The following ZMAT4 variants were observed in gnomAD, a reference collection of about 807,000 sequenced individuals.
The protein encoded by ZMAT4 is zinc finger matrin-type protein 4.
A neutral mutation model predicts 28.7 loss-of-function variants in ZMAT4; 17 were observed. That is an observed-to-expected ratio of 0.59 (90% confidence interval 0.41 to 0.89). The LOEUF is 0.89. Ranked by LOEUF, ZMAT4 falls within the 40% of genes least tolerant of loss-of-function variation. The probability of loss-of-function intolerance (pLI) is 0.00; values close to 1 mark genes in which losing one functional copy is unlikely to be tolerated. For missense variants in ZMAT4, 240 were observed against 283.8 expected (o/e 0.85, Z 1.11); for synonymous variants, 117 against 109.2 (o/e 1.07, Z -0.44).
chr8:40,680,027 C>A (rs1216313968), intron 4 of ZMAT4, among the ~76,000 whole-genome samples: 1 of 152,138 alleles, frequency 6.6e-6, no homozygotes, highest in Admixed American at 6.6e-5. Context: ...CAGTATCTGA[C>A]AAGGCCCTGG....
intron 6 of ZMAT4, among the ~76,000 whole-genome samples, chr8:40,579,760 G>A (rs773354189): frequency 5.3e-5 from 8 of 152,138 alleles, no homozygotes; most frequent in Non-Finnish European, 1.2e-4. Context: ...TCAAAAAAGT[G>A]TATAAAGACC....
intron 5 of ZMAT4, among the ~76,000 whole-genome samples, chr8:40,658,661 CACAA>C (rs1380324127): frequency 1.1e-4 from 14 of 126,372 alleles, no homozygotes; most frequent in Non-Finnish European, 2.0e-4. Context: ...CACACACACA[CACAA>C]ACACAAAACT....
chr8:40,531,978 T>C lies in ZMAT4; in HGVS notation c.*245A>G. 7 of 368,258 alleles carry C rather than the reference T, an allele frequency of 1.9e-5. No individual in the cohort carries two copies. Among genetic ancestry groups the C allele is most frequent in the Non-Finnish European group, 3.4e-5 (7 of 207,014 alleles). The allele number at this position is 368,258 out of a possible 1,614,324, so 22.8% of individuals were successfully genotyped here. On this transcript the variant is annotated 3_prime_UTR_variant, in exon 7 of 7. Coordinates refer to ENST00000297737, the MANE Select transcript of ZMAT4 (RefSeq NM_024645.3). ...TATAATTTAGAACATGTGCTAAATA[T>C]GTTATCAGGAAAGAATTTAAAAATC...
intron 5 of ZMAT4, among the ~76,000 whole-genome samples, chr8:40,607,202 G>A (rs74646094): frequency 0.15 from 21,079 of 136,306 alleles, 2,197 homozygotes; most frequent in East Asian, 0.58. Context: ...TCGGCTCACT[G>A]CAAGCTCCGC....
chr8:40,541,417 G>A (rs1007675695), intron 6 of ZMAT4, among the ~76,000 whole-genome samples: 3 of 152,132 alleles, frequency 2.0e-5, no homozygotes, highest in African/African-American at 7.2e-5. Context: ...TCAACAAAGG[G>A]TATAATGGTC....
At chr8:40,633,500 A>C (rs961397604) in intron 5 of ZMAT4, among the ~76,000 whole-genome samples, 4 of 152,142 alleles carry the variant, frequency 2.6e-5, no homozygotes, top group Admixed American at 2.6e-4. Flanking sequence ...AGATGGGGAG[A>C]TATTTGGGCA....
At chr8:40,871,381 C>A (rs1198110107) in intron 1 of ZMAT4, among the ~76,000 whole-genome samples, 2 of 152,172 alleles carry the variant, frequency 1.3e-5, no homozygotes, top group African/African-American at 4.8e-5. Context: ...CCATCCCTAC[C>A]CACTCTCAAG....
chr8:40,878,111 C>T (rs913511120), intron 1 of ZMAT4, among the ~76,000 whole-genome samples: 3 of 152,182 alleles, frequency 2.0e-5, no homozygotes. Context: ...TGAATGGCTT[C>T]CAATGGCAGA....
intron 1 of ZMAT4, among the ~76,000 whole-genome samples, chr8:40,881,465 A>AAGAAAG (rs1171600034): frequency 6.8e-6 from 1 of 146,920 alleles, no homozygotes; most frequent in African/African-American, 2.5e-5. Flanking sequence ...GAAAGAAAGA[A>AAGAAAG]AGAAAGAAAG....
At chr8:40,697,108 C>T in intron 4 of ZMAT4, 137 bp downstream of exon 4, 1 of 1,039,262 alleles carries the variant, frequency 9.6e-7, no homozygotes, top group Non-Finnish European at 1.4e-6. Context: ...GTCAGCCACT[C>T]ATCCCTTTAG....
At chr8:40,719,304 G>T (rs550194722) in intron 3 of ZMAT4, among the ~76,000 whole-genome samples, 1 of 152,012 alleles carries the variant, frequency 6.6e-6, no homozygotes, top group Non-Finnish European at 1.5e-5. Context: ...TTACCCAGGC[G>T]TGGTGGCAGG....
chr8:40,642,847 C>T (rs1012124984), intron 5 of ZMAT4, among the ~76,000 whole-genome samples: 1 of 152,094 alleles, frequency 6.6e-6, no homozygotes, highest in Admixed American at 6.6e-5. Context: ...CACATATAAG[C>T]CATATTTCAT....
At chr8:40,664,825 T>G (rs1441216888) in intron 5 of ZMAT4, among the ~76,000 whole-genome samples, 3 of 152,222 alleles carry the variant, frequency 2.0e-5, no homozygotes, top group Non-Finnish European at 4.4e-5. Flanking sequence ...GATATTTACC[T>G]AGAATGTCTT....
At chr8:40,875,187 C>T (rs562170441) in intron 1 of ZMAT4, among the ~76,000 whole-genome samples, 20 of 152,306 alleles carry the variant, frequency 1.3e-4, no homozygotes, top group Non-Finnish European at 2.5e-4. Flanking sequence ...TCTCTGGCTT[C>T]CTCCTGGGCA....
chr8:40,759,782 T>G (rs1042505715), intron 3 of ZMAT4, among the ~76,000 whole-genome samples: 5 of 152,200 alleles, frequency 3.3e-5, no homozygotes, highest in Admixed American at 2.0e-4. Flanking sequence ...GAATAGTTTC[T>G]TTTAAATCTC....
At chr8:40,641,540 T>C (rs1807025732) in intron 5 of ZMAT4, among the ~76,000 whole-genome samples, 2 of 152,206 alleles carry the variant, frequency 1.3e-5, no homozygotes, top group Non-Finnish European at 2.9e-5. Context: ...TGAAGTAGGA[T>C]TGGCATACTA....
At chr8:40,718,788 T>G (rs919778840) in intron 3 of ZMAT4, among the ~76,000 whole-genome samples, 2 of 152,198 alleles carry the variant, frequency 1.3e-5, no homozygotes, top group Non-Finnish European at 2.9e-5. Context: ...TCATGCCTGC[T>G]CTATAGATAA....
chr8:40,550,862 C>A (rs967416362), intron 6 of ZMAT4, among the ~76,000 whole-genome samples: 2 of 152,144 alleles, frequency 1.3e-5, no homozygotes, highest in African/African-American at 2.4e-5. Flanking sequence ...GACTAATATA[C>A]CTACTTTTTA....
intron 2 of ZMAT4, among the ~76,000 whole-genome samples, chr8:40,809,736 A>T (rs919932800): frequency 6.6e-6 from 1 of 152,144 alleles, no homozygotes; most frequent in African/African-American, 2.4e-5. Context: ...TTAAGATAAG[A>T]TGACTTGATA....
Sources: allele counts gnomAD v4.1 joint callset (sites outside exome capture counted in the v4.1 genomes callset), GRCh38; gene constraint gnomAD v4.1.1; transcripts MANE v1.5; gene names NCBI Gene and HGNC (gene_info 2026-07-23, HGNC 2026-07-21).